The following DDX4 variants were observed in gnomAD, a reference collection of about 807,000 sequenced individuals.
DDX4 encodes the protein DEAD-box helicase 4.
In DDX4, 25 loss-of-function variants were observed where a neutral mutation model predicts 100.0. That is an observed-to-expected ratio of 0.25 (90% confidence interval 0.18 to 0.35). The LOEUF (loss-of-function observed/expected upper bound fraction) is 0.35, where lower values mean the gene tolerates loss of function less well. Among genes scored for constraint, DDX4 ranks in the 10% least tolerant of loss-of-function variants. The pLI is 1.00. For synonymous variants in DDX4, 259 were observed against 275.7 expected (o/e 0.94, Z 0.60); for missense variants, 635 against 882.4 (o/e 0.72, Z 3.55).
chr5:55,792,805 A>G lies in DDX4; in HGVS notation c.1467A>G (p.Gln489=). 7.1e-7 allele frequency: 1 copy of G among 1,401,898 alleles called. No homozygotes were observed. Among genetic ancestry groups the G allele is most frequent in the South Asian group, 2.1e-5 (1 of 48,386 alleles). 86.8% of individuals were successfully genotyped at this position (1,401,898 alleles called of 1,614,324 possible). A position where few individuals can be genotyped will look rare whatever the true frequency, so the allele number is the denominator to read the frequency against. Residue 489 remains glutamine (Q), a splice_region_variant and synonymous_variant, in exon 17 of 22, where the codon CAA becomes CAG. Transcript: ENST00000505374. The stretch of plus-strand genomic sequence containing the variant: ...GTGCAACTTTTCCAGAGGAAATTCA[A>G]AGGTTAAGTTTTTTTCTTAAAAATA... The part of the protein sequence containing the change: ...MFSATFPEEI[Q]RLAAEFLKSN...
chr5:55,742,761 G>A (rs1759047533), intron 2 of DDX4, among the ~76,000 whole-genome samples: 1 of 152,178 alleles, frequency 6.6e-6, no homozygotes, highest in South Asian at 2.1e-4. Context: ...AGAGAGAGTG[G>A]TGAATATAAG....
At chr5:55,760,071 GCT>G in intron 3 of DDX4, 127 bp from the exon 4 acceptor site, 1 of 817,390 alleles carries the variant, frequency 1.2e-6, no homozygotes, top group Non-Finnish European at 1.8e-6. Context: ...TTTTTACTGG[GCT>G]GTTTGTCACC....
intron 17 of DDX4, 122 bp downstream of exon 17, chr5:55,792,929 A>G (rs1742671149): frequency 1.9e-6 from 1 of 540,186 alleles, no homozygotes; most frequent in East Asian, 4.8e-5. Context: ...TAGGTAGTTT[A>G]AAAAGTAGAT....
At chr5:55,752,658 C>T (rs1580519759) in intron 3 of DDX4, among the ~76,000 whole-genome samples, 1 of 147,402 alleles carries the variant, frequency 6.8e-6, no homozygotes, top group East Asian at 2.0e-4. Flanking sequence ...GTGCATGTGT[C>T]TTTATAGCAG....
Position 55,815,160 on chromosome 5 carries a change from G to A in DDX4, c.1975G>A (p.Val659Ile), listed in dbSNP as rs1012798339. The A allele has an allele frequency of 5.6e-6, 9 of 1,613,882 alleles. No individual in the cohort carries two copies. Among genetic ancestry groups the A allele is most frequent in the Non-Finnish European group, 5.9e-6 (7 of 1,179,890 alleles). ...DNHLAQPLVKVLTDAQQDVPA... is the reference protein window; with the variant it reads ...DNHLAQPLVKILTDAQQDVPA... Reference sequence around the variant, plus strand: ...CCATTTAGCACAGCCTCTAGTAAAAGTATTGACAGATGTAAGTTAAACTTT... The same window carrying A: ...CCATTTAGCACAGCCTCTAGTAAAAATATTGACAGATGTAAGTTAAACTTT... Residue 659 changes from valine to isoleucine, a missense_variant, in exon 20 of 22, where the codon GTA becomes ATA. Val to Ile is a conservative substitution (Grantham distance 29). Transcript: ENST00000505374.
Position 55,767,510 on chromosome 5 carries a change from T to G in DDX4, c.335-371T>G, listed in dbSNP as rs1740997410. Among the ~76,000 whole-genome samples, 3 of 152,248 alleles carry G rather than the reference T, an allele frequency of 2.0e-5. No individual in the cohort carries two copies. In the South Asian group the frequency reaches 6.2e-4, roughly 32 times the overall value. ...GAAGAGTCTAGTGGTCTATGGACCT[T>G]ATGTGAGAACCACTTGATTACTTAA... On this transcript the variant is annotated intron_variant, in intron 6 of 21. Coordinates refer to ENST00000505374, the MANE Select transcript of DDX4 (RefSeq NM_024415.3).
intron 18 of DDX4, among the ~76,000 whole-genome samples, chr5:55,806,310 T>G (rs1433091633): frequency 2.0e-5 from 3 of 152,250 alleles, no homozygotes; most frequent in Admixed American, 6.5e-5. Context: ...GGGTTTTTTT[T>G]GTCTCTTATT....
rs768783395 is a variant in DDX4 at position 55,792,687 on chromosome 5, G to T, written c.1349G>T (p.Arg450Leu). The T allele has an allele frequency of 1.4e-5, 22 of 1,596,286 alleles. No individual in the cohort carries two copies. Among genetic ancestry groups the T allele is most frequent in the Non-Finnish European group, 1.6e-5 (19 of 1,169,840 alleles). ...IKYLVLDEAD[R>L]MLDMGFGPEM... ...TACTTAGTTTTGGATGAAGCTGATC[G>T]CATGTTGGATATGGGTTTTGGTCCA... Residue 450 changes from arginine to leucine, a missense_variant, in exon 17 of 22, where the codon CGC becomes CTC. Arg to Leu is a moderately radical substitution (Grantham distance 102). Transcript: ENST00000505374.
At position 55,785,880 on chromosome 5, in the gene DDX4, ATTAATTG is replaced by A; in HGVS notation, c.864+12_864+18del. ...CACCACCAGCAATTCTGGTCAGTGTATTAATTGTTTCTGTATTAGCTATGTAGCACAC... is the reference window on the plus strand; with the variant it reads ...CACCACCAGCAATTCTGGTCAGTGTATTTCTGTATTAGCTATGTAGCACAC... On this transcript the variant is annotated intron_variant, in intron 13 of 21. Transcript: ENST00000505374. The A allele has an allele frequency of 6.3e-7, 1 of 1,591,018 alleles. No homozygotes were observed. Among genetic ancestry groups the A allele is most frequent in the Non-Finnish European group, 8.6e-7 (1 of 1,160,190 alleles).
chr5:55,792,509 G>A (rs1272316316), intron 16 of DDX4, 132 bp from the exon 17 acceptor site: 10 of 411,094 alleles, frequency 2.4e-5, no homozygotes, highest in African/African-American at 8.4e-5. Flanking sequence ...ACAGGCGTCC[G>A]CCAACACGCC....
At chr5:55,792,235 T>A (rs971871206) in intron 16 of DDX4, among the ~76,000 whole-genome samples, 1 of 151,978 alleles carries the variant, frequency 6.6e-6, no homozygotes, top group South Asian at 2.1e-4. Flanking sequence ...GACTTAATTT[T>A]AAAAATGCTT....
rs140694536 is a variant in DDX4 at position 55,809,318 on chromosome 5, G to C, written c.1616-4355G>C. On this transcript the variant is annotated intron_variant, in intron 18 of 21. Transcript: ENST00000505374. ...GCTCACGCTCAGTGTGCTGCACCAA[G>C]TGTCCTGCACCCAGTTTCTGACACT... is the stretch of plus-strand genomic sequence containing the variant. Among the ~76,000 whole-genome samples the C allele has an allele frequency of 2.8e-3, 422 of 152,212 alleles. 1 individual carries two copies. The highest frequency in any genetic ancestry group is 8.1e-3 in the African/African-American group (337 of 41,554).
At chr5:55,758,427 A>G (rs972061271) in intron 3 of DDX4, among the ~76,000 whole-genome samples, 1 of 152,102 alleles carries the variant, frequency 6.6e-6, no homozygotes, top group Non-Finnish European at 1.5e-5. Flanking sequence ...TGAGTTGGTG[A>G]GTAATTTCTC....
chr5:55,809,879 G>A (rs916800312), intron 18 of DDX4, among the ~76,000 whole-genome samples: 1 of 152,172 alleles, frequency 6.6e-6, no homozygotes, highest in Non-Finnish European at 1.5e-5. Context: ...CTGTACTATT[G>A]CATCAGGCAG....
chr5:55,774,008 T>C (rs1399899837), intron 7 of DDX4, among the ~76,000 whole-genome samples: 1 of 152,336 alleles, frequency 6.6e-6, no homozygotes, highest in South Asian at 2.1e-4. Context: ...TGTATATCTT[T>C]GGAGAAATGT....
At chr5:55,764,579 T>C (rs1429416685) in intron 6 of DDX4, among the ~76,000 whole-genome samples, 5 of 152,118 alleles carry the variant, frequency 3.3e-5, no homozygotes, top group Non-Finnish European at 7.4e-5. Flanking sequence ...CCAAATCTGA[T>C]TGAGTCGATT....
intron 7 of DDX4, among the ~76,000 whole-genome samples, chr5:55,773,908 G>A (rs934895563): frequency 3.3e-5 from 5 of 152,160 alleles, no homozygotes; most frequent in African/African-American, 4.8e-5. Flanking sequence ...ACAAGCATGT[G>A]TGCCACAGTG....
chr5:55,786,214 T>C (rs1167861811), intron 13 of DDX4, among the ~76,000 whole-genome samples: 1 of 152,164 alleles, frequency 6.6e-6, no homozygotes, highest in Admixed American at 6.6e-5. Context: ...CTGTCTCCTA[T>C]TGATAATTAT....
At chr5:55,752,215 G>A (rs942056445) in intron 3 of DDX4, among the ~76,000 whole-genome samples, 2 of 149,068 alleles carry the variant, frequency 1.3e-5, no homozygotes, top group Non-Finnish European at 3.0e-5. Flanking sequence ...TAAGTTTTAG[G>A]GTACATGTGC....
Sources: allele counts gnomAD v4.1 joint callset (sites outside exome capture counted in the v4.1 genomes callset), GRCh38; gene constraint gnomAD v4.1.1; transcripts MANE v1.5; gene names NCBI Gene and HGNC (gene_info 2026-07-23, HGNC 2026-07-21).